The following GNG12 variants were observed in gnomAD, a reference collection of about 807,000 sequenced individuals.
The protein encoded by GNG12 is guanine nucleotide-binding protein G(I)/G(S)/G(O) subunit gamma-12.
For synonymous variants in GNG12, 28 were observed against 29.7 expected (o/e 0.94, Z 0.19); for missense variants, 69 against 83.8 (o/e 0.82, Z 0.69).
intron 1 of GNG12, among the ~76,000 whole-genome samples, chr1:67,819,274 A>G (rs1163724938): frequency 6.6e-6 from 1 of 152,162 alleles, no homozygotes. Flanking sequence ...TGTCTTACAG[A>G]AAACAGGCAG....
chr1:67,735,604 CCAAA>C (rs1295376710), intron 2 of GNG12, among the ~76,000 whole-genome samples: 1 of 152,086 alleles, frequency 6.6e-6, no homozygotes, highest in Non-Finnish European at 1.5e-5. Flanking sequence ...GTGCCTGCCT[CCAAA>C]CATTCAATAA....
intron 2 of GNG12, among the ~76,000 whole-genome samples, chr1:67,768,982 C>T (rs968044752): frequency 1.3e-5 from 2 of 152,052 alleles, no homozygotes; most frequent in Non-Finnish European, 2.9e-5. Context: ...TATGATGGGT[C>T]TGGGGGAGGA....
intron 1 of GNG12, among the ~76,000 whole-genome samples, chr1:67,815,155 A>T (rs1646946228): frequency 6.6e-6 from 1 of 152,162 alleles, no homozygotes; most frequent in African/African-American, 2.4e-5. Context: ...ACCTCTCTAA[A>T]AATTTTTTAA....
chr1:67,817,939 A>G (rs1249337949), intron 1 of GNG12, among the ~76,000 whole-genome samples: 2 of 151,244 alleles, frequency 1.3e-5, no homozygotes, highest in Middle Eastern at 3.4e-3. Flanking sequence ...GGCACATACC[A>G]CTGCACCCAG....
rs138958839 is a variant in GNG12 at position 67,733,212 on chromosome 1, C to T, written c.-26-25500G>A. Among the ~76,000 whole-genome samples the T allele has an allele frequency of 2.7e-3, 408 of 152,322 alleles. 2 individuals carry two copies. Among genetic ancestry groups the T allele is most frequent in the African/African-American group, 9.2e-3 (383 of 41,570 alleles). On this transcript the variant is annotated intron_variant, in intron 2 of 3. Coordinates refer to ENST00000370982, the MANE Select transcript of GNG12 (RefSeq NM_018841.6). ...GTATCACAAGCCACCAGTATTTAAT[C>T]TAGCCCTATTTTTGGAGCTGGTTTG...
At chr1:67,782,188 T>C (rs1016397701) in intron 1 of GNG12, among the ~76,000 whole-genome samples, 3 of 152,190 alleles carry the variant, frequency 2.0e-5, no homozygotes, top group African/African-American at 7.2e-5. Context: ...TCCACAAAAT[T>C]GGGGCATAGT....
rs149743362 is a variant in GNG12, at chr1:67,747,633, T to C, written c.-27+29825A>G. On this transcript the variant is annotated intron_variant, in intron 2 of 3. Transcript: ENST00000370982. ...TAATGAGAGTGAGGTGGGCAAGTAG[T>C]GTTATAAGAAGCAAATATTAATGCT... Among the ~76,000 whole-genome samples, 5 of 152,322 alleles carry C rather than the reference T, an allele frequency of 3.3e-5. No homozygotes were observed. The East Asian group carries it at 7.7e-4, about 23-fold the overall frequency.
intron 2 of GNG12, among the ~76,000 whole-genome samples, chr1:67,745,017 T>C (rs1646500682): frequency 6.6e-6 from 1 of 152,244 alleles, no homozygotes; most frequent in South Asian, 2.1e-4. Flanking sequence ...ATCTGTAAGA[T>C]GCGAATAATA....
chr1:67,730,620 T>C (rs1646413609), intron 2 of GNG12, among the ~76,000 whole-genome samples: 1 of 152,216 alleles, frequency 6.6e-6, no homozygotes, highest in Non-Finnish European at 1.5e-5. Flanking sequence ...GTTGGGATAT[T>C]GGTTTCCTTT....
At chr1:67,808,487 G>C (rs1040824554) in intron 1 of GNG12, among the ~76,000 whole-genome samples, 2 of 152,026 alleles carry the variant, frequency 1.3e-5, no homozygotes, top group African/African-American at 4.8e-5. Context: ...AAGACACACA[G>C]ATAGGGGAAG....
chr1:67,723,229 G>C (rs765669973), intron 2 of GNG12, among the ~76,000 whole-genome samples: 7 of 152,204 alleles, frequency 4.6e-5, no homozygotes, highest in Non-Finnish European at 1.0e-4. Flanking sequence ...TTTCCAAGGG[G>C]TGCATGAAGA....
At chr1:67,795,616 C>A (rs542315129) in intron 1 of GNG12, among the ~76,000 whole-genome samples, 6 of 152,280 alleles carry the variant, frequency 3.9e-5, no homozygotes, top group African/African-American at 1.4e-4. Flanking sequence ...GAGTCCCATT[C>A]CAGAAGGTGT....
chr1:67,731,945 G>C, intron 2 of GNG12, among the ~76,000 whole-genome samples: 1 of 152,192 alleles, frequency 6.6e-6, no homozygotes, highest in East Asian at 1.9e-4. Context: ...CGAGCATGCT[G>C]TCTTACATGC....
intron 1 of GNG12, among the ~76,000 whole-genome samples, chr1:67,780,787 C>T (rs778224443): frequency 1.3e-5 from 2 of 152,222 alleles, no homozygotes; most frequent in African/African-American, 4.8e-5. Context: ...GCTTGGCAGA[C>T]TTGCTCACAC....
At chr1:67,799,204 T>G (rs889788972) in intron 1 of GNG12, among the ~76,000 whole-genome samples, 2 of 152,230 alleles carry the variant, frequency 1.3e-5, no homozygotes, top group African/African-American at 4.8e-5. Flanking sequence ...TTGTAACCAC[T>G]AAACTCTGTG....
intron 1 of GNG12, among the ~76,000 whole-genome samples, chr1:67,800,902 T>C (rs766078849): frequency 5.3e-5 from 8 of 152,162 alleles, no homozygotes; most frequent in Non-Finnish European, 1.0e-4. Context: ...AAAACAGTTT[T>C]AAAAAGTATT....
At chr1:67,774,709 C>T (rs541746807) in intron 2 of GNG12, among the ~76,000 whole-genome samples, 29 of 152,196 alleles carry the variant, frequency 1.9e-4, no homozygotes, top group Non-Finnish European at 1.3e-4. Context: ...TCCCTCAACT[C>T]TTCCCACCAA....
chr1:67,786,985 G>GTGTGTGTA (rs1407300795), intron 1 of GNG12, among the ~76,000 whole-genome samples: 13 of 119,036 alleles, frequency 1.1e-4, no homozygotes, highest in African/African-American at 4.2e-4. Context: ...GTGTGTGTGT[G>GTGTGTGTA]TATGTATATA....
chr1:67,812,517 A>C (rs1210095411), intron 1 of GNG12, among the ~76,000 whole-genome samples: 7 of 152,158 alleles, frequency 4.6e-5, no homozygotes, highest in Non-Finnish European at 7.3e-5. Flanking sequence ...CACTCATGTC[A>C]ATTTTACAGA....
Sources: allele counts gnomAD v4.1 joint callset (sites outside exome capture counted in the v4.1 genomes callset), GRCh38; gene constraint gnomAD v4.1.1; transcripts MANE v1.5; gene names NCBI Gene and HGNC (gene_info 2026-07-23, HGNC 2026-07-21).